Variants in PTPRH observed in about 807,000 individuals in gnomAD.
The protein encoded by PTPRH is protein tyrosine phosphatase receptor type H, also known as receptor-type tyrosine-protein phosphatase H.
PTPRH carries 113 observed loss-of-function variants against 130.2 expected under a neutral mutation model. That is an observed-to-expected ratio of 0.87 (90% CI 0.75 to 1.01). The LOEUF (loss-of-function observed/expected upper bound fraction) is 1.01, where lower values mean the gene tolerates loss of function less well. PTPRH is among the 50% of genes least tolerant of loss of function. The pLI is 0.00. For missense variants in PTPRH, 1,430 were observed against 1,425.0 expected (o/e 1.00, Z -0.06); for synonymous variants, 556 against 577.9 (o/e 0.96, Z 0.54).
Position 55,181,799 on chromosome 19 carries a change from G to C in PTPRH, c.3303C>G (p.Ile1101Met), listed in dbSNP as rs1445483200. ...EVPYEDVENL[I>M]YENVAAIQAH... Reference sequence around the variant, plus strand: ...CCTGGATGGCGGCCACGTTCTCGTAGATGAGGTTTTCGACATCCTCATACG... The same window carrying C: ...CCTGGATGGCGGCCACGTTCTCGTACATGAGGTTTTCGACATCCTCATACG... The change falls in exon 20 of 20, where the codon ATC (isoleucine) becomes ATG (methionine). Residue 1101 changes from isoleucine to methionine, a missense_variant. Transcript: ENST00000376350. 1.2e-6 allele frequency: 2 copies of C among 1,614,094 alleles called. No homozygotes were observed. The highest frequency in any genetic ancestry group is 1.3e-5 in the African/African-American group (1 of 74,934).
rs748641774 is a variant in PTPRH at position 55,206,826 on chromosome 19, C to A, written c.215G>T (p.Gly72Val). Residue 72 changes from glycine to valine, a missense_variant, in exon 3 of 20, where the codon GGC becomes GTC. Physicochemically the swap from Gly to Val is moderately radical, Grantham distance 109. Coordinates refer to ENST00000376350, the MANE Select transcript of PTPRH (RefSeq NM_002842.5). ...TGTTGTGTTTCGAGTCTCTGTTGTGCCGCCGTCTCCAGTACACTGAACCCA... is the reference window on the plus strand; with the variant it reads ...TGTTGTGTTTCGAGTCTCTGTTGTGACGCCGTCTCCAGTACACTGAACCCA... ...NYWVQCTGDG[G>V]TTETRNTTAT... 2 of 1,614,132 alleles carry A rather than the reference C, an allele frequency of 1.2e-6. No homozygotes were observed. Among genetic ancestry groups the A allele is most frequent in the Non-Finnish European group, 1.7e-6 (2 of 1,180,024 alleles).
chr19:55,200,633 G>A (rs929918762), intron 6 of PTPRH, 131 bp from the exon 7 acceptor site: 2 of 1,018,342 alleles, frequency 2.0e-6, no homozygotes, highest in Non-Finnish European at 1.4e-6. Flanking sequence ...CAGGGTGTAT[G>A]TTCTAGACCG....
chr19:55,197,551 G>T (rs1250121421), intron 8 of PTPRH, 135 bp from the exon 9 acceptor site: 2 of 823,310 alleles, frequency 2.4e-6, no homozygotes, highest in African/African-American at 1.7e-5. Flanking sequence ...TGAACCACAG[G>T]AAAGAGTCTA....
rs372031071 is a variant in PTPRH at position 55,186,401 on chromosome 19, A to G, written c.2644-42T>C. 6 of 1,612,138 alleles carry G rather than the reference A, an allele frequency of 3.7e-6. No individual in the cohort carries two copies. In the African/African-American group the frequency reaches 8.0e-5, roughly 22 times the overall value. Reference sequence around the variant, plus strand: ...GGCGGGTCAGGGGGGCCTTTAGTTGATCCCCGAGCTCTTATCTCTCCAGGC... The same window carrying G: ...GGCGGGTCAGGGGGGCCTTTAGTTGGTCCCCGAGCTCTTATCTCTCCAGGC... On this transcript the variant is annotated intron_variant, in intron 15 of 19. Transcript: ENST00000376350.
rs747725108 is a variant in PTPRH at position 55,200,429 on chromosome 19, G to A, written c.1227C>T (p.Pro409=). 26 of 1,613,986 alleles carry A rather than the reference G, an allele frequency of 1.6e-5. No homozygotes were observed. Among genetic ancestry groups the A allele is most frequent in the African/African-American group, 8.0e-5 (6 of 74,898 alleles). Residue 409 remains proline, a synonymous_variant, in exon 7 of 20, where the codon CCC becomes CCT. Coordinates refer to ENST00000376350, the MANE Select transcript of PTPRH (RefSeq NM_002842.5). ...NSSIALCWEV[P]DGPYPQDYTY... The stretch of plus-strand genomic sequence containing the variant: ...TGTAGTCCTGAGGGTATGGGCCATC[G>A]GGGACTTCCCAGCATAGGGCGATGG...
intron 8 of PTPRH, 80 bp downstream of exon 8, chr19:55,198,563 C>G: frequency 7.0e-7 from 1 of 1,425,902 alleles, no homozygotes; most frequent in Non-Finnish European, 9.3e-7. Flanking sequence ...TCTTCATCTC[C>G]CAAGGAGCTC....
At chr19:55,192,979 AAC>A (rs926024489) in intron 10 of PTPRH, among the ~76,000 whole-genome samples, 38 of 152,086 alleles carry the variant, frequency 2.5e-4, no homozygotes, top group Admixed American at 1.4e-3. Flanking sequence ...CTGTAATCCC[AAC>A]ACTTTGGGAG....
intron 18 of PTPRH, 115 bp downstream of exon 18, chr19:55,185,387 C>T: frequency 8.7e-7 from 1 of 1,148,942 alleles, no homozygotes; most frequent in Non-Finnish European, 1.2e-6. Flanking sequence ...CATCCACCTC[C>T]TCCTTCTCTC....
chr19:55,185,423 C>T, intron 18 of PTPRH, 79 bp downstream of exon 18: 3 of 1,516,242 alleles, frequency 2.0e-6, no homozygotes, highest in Middle Eastern at 2.2e-4. Flanking sequence ...TGTACGTTCC[C>T]AGGGTCCCGT....
In PTPRH at chr19:55,181,522, C is replaced by T; in HGVS notation, c.*232G>A. On this transcript the variant is annotated 3_prime_UTR_variant, in exon 20 of 20. Transcript: ENST00000376350. ...AGACCTAGGGAATCCAAGCTATCAT[C>T]CCTCTCCTCCTTCAGGGAACCAGGA... 1.8e-6 allele frequency: 1 copy of T among 560,896 alleles called. No homozygotes were observed. Among genetic ancestry groups the T allele is most frequent in the Non-Finnish European group, 3.2e-6 (1 of 316,814 alleles). 34.7% of individuals were successfully genotyped at this position (560,896 alleles called of 1,614,324 possible).
intron 14 of PTPRH, 122 bp downstream of exon 14, chr19:55,187,391 A>T: frequency 1.9e-6 from 1 of 528,286 alleles, no homozygotes; most frequent in Non-Finnish European, 3.2e-6. Flanking sequence ...AGGAAGAAAA[A>T]AAAAAGGAGA....
intron 10 of PTPRH, among the ~76,000 whole-genome samples, chr19:55,196,063 A>C (rs2086670695): frequency 6.6e-6 from 1 of 152,146 alleles, no homozygotes; most frequent in Admixed American, 6.5e-5. Context: ...AATGTTGTGA[A>C]TATAAGAAGA....
At position 55,200,367 on chromosome 19, in the gene PTPRH, G is replaced by T; in HGVS notation, c.1289C>A (p.Thr430Lys). Residue 430 changes from threonine to lysine, a missense_variant, in exon 7 of 20, where the codon ACA becomes AAA. Thr to Lys is a moderately conservative substitution (Grantham distance 78, BLOSUM62 -1). Coordinates refer to ENST00000376350, the MANE Select transcript of PTPRH (RefSeq NM_002842.5). ...GGTATTTGTTGTGTTTCGGGTCTCT[G>T]TGCCACCACCGTCTCCAGTGTACTC... ...WVEYTGDGGGTETRNTTNTSV... is the reference protein window; with the variant it reads ...WVEYTGDGGGKETRNTTNTSV... 1.2e-6 allele frequency: 2 copies of T among 1,614,146 alleles called. No homozygotes were observed. The highest frequency in any genetic ancestry group is 1.1e-5 in the South Asian group (1 of 91,072).
In PTPRH at chr19:55,190,845, T is replaced by C. The variant is rs2086514411; in HGVS notation, c.2384+656A>G. Among the ~76,000 whole-genome samples, 15 of 151,316 alleles carry C rather than the reference T, an allele frequency of 9.9e-5. 1 individual carries two copies. In the South Asian group the frequency reaches 3.1e-3, roughly 31 times the overall value. On this transcript the variant is annotated intron_variant, in intron 12 of 19. Transcript: ENST00000376350. ...TTTATGATCTTTTTTAATTTTTTAT[T>C]ACTATTATTTTTTTGAGACGGAGTC...
In PTPRH at chr19:55,191,653, T is replaced by G. The variant is rs772313737; in HGVS notation, c.2336+10A>C. 1.9e-6 allele frequency: 3 copies of G among 1,613,698 alleles called. No homozygotes were observed. The East Asian group carries it at 6.7e-5, about 36-fold the overall frequency. On this transcript the variant is annotated intron_variant, in intron 11 of 19. Coordinates refer to ENST00000376350, the MANE Select transcript of PTPRH (RefSeq NM_002842.5). ...ACCCTCCAGGCGGTCAGCCCTGTGC[T>G]GAGTCTCACCTCCTCTTCAGGAAGA... is the stretch of plus-strand genomic sequence containing the variant.
At chr19:55,186,091 G>C in intron 16 of PTPRH, 107 bp from the exon 17 acceptor site, 1 of 1,590,292 alleles carries the variant, frequency 6.3e-7, no homozygotes, top group Non-Finnish European at 8.6e-7. Context: ...GGGAGAGTGG[G>C]GAACAGGTCT....
rs2087067563 is a variant in PTPRH at position 55,206,657 on chromosome 19, GAAATAA to G, written c.352+26_352+31del. On this transcript the variant is annotated intron_variant, in intron 3 of 19. Coordinates refer to ENST00000376350, the MANE Select transcript of PTPRH (RefSeq NM_002842.5). ...ACCCCCTACCACTGTCCTTATAAAA[GAAATAA>G]AAATAAAGCAGTGGCTGCCTCTTAC... The G allele has an allele frequency of 1.9e-6, 3 of 1,544,844 alleles. No individual in the cohort carries two copies. The Admixed American group carries it at 5.6e-5, about 29-fold the overall frequency.
rs2086765505 is a variant in PTPRH, at chr19:55,198,756, G to A, written c.1577C>T (p.Ser526Leu). ...GMTDPRTQST[S>L]GTDITLKELE... ...TTCCTTTAGGGTGATGTCAGTACCTGAGGTGCTTTGGGTCCTGGGGTCAGT... is the reference window on the plus strand; with the variant it reads ...TTCCTTTAGGGTGATGTCAGTACCTAAGGTGCTTTGGGTCCTGGGGTCAGT... Residue 526 changes from serine (S) to leucine (L), a missense_variant, in exon 8 of 20, where the codon TCA (serine) becomes TTA (leucine). Coordinates refer to ENST00000376350, the MANE Select transcript of PTPRH (RefSeq NM_002842.5). The A allele has an allele frequency of 6.2e-7, 1 of 1,614,048 alleles. No homozygotes were observed. The highest frequency in any genetic ancestry group is 1.3e-5 in the African/African-American group (1 of 74,932).
Position 55,187,610 on chromosome 19 carries a change from A to T in PTPRH, c.2476-7T>A, listed in dbSNP as rs916481579. 1.9e-6 allele frequency: 3 copies of T among 1,604,256 alleles called. No homozygotes were observed. In the Admixed American group the frequency reaches 5.0e-5, roughly 27 times the overall value. On this transcript the variant is annotated splice_region_variant and splice_polypyrimidine_tract_variant and intron_variant, in intron 13 of 19. Coordinates refer to ENST00000376350, the MANE Select transcript of PTPRH (RefSeq NM_002842.5). ...GGCCCACCAGGGAGAGTTGCTGGGG[A>T]TGCAGGGAGAGGGGGTACCTGGTGT...
Sources: gnomAD v4.1 joint callset for allele counts (sites outside exome capture counted in the v4.1 genomes callset) on GRCh38, gnomAD v4.1.1 for gene constraint, MANE v1.5 for transcripts, NCBI Gene and HGNC (gene_info 2026-07-23, HGNC 2026-07-21) for gene names.